The following GDAP1L1 variants were observed in gnomAD, a reference collection of about 807,000 sequenced individuals.
The protein encoded by GDAP1L1 is ganglioside induced differentiation associated protein 1 like 1.
Under a neutral mutation model 37.1 loss-of-function variants are expected in GDAP1L1, and 21 were observed. The ratio of observed to expected loss-of-function variants is 0.57; its 90% CI spans 0.40 to 0.81. GDAP1L1 has a LOEUF of 0.81. Ranked by LOEUF, GDAP1L1 falls within the 40% of genes least tolerant of loss-of-function variation. GDAP1L1 has a pLI of 0.00. For missense variants in GDAP1L1, 362 were observed against 491.6 expected, an observed-to-expected ratio of 0.74 and a Z score of 2.49; for synonymous variants, 193 against 209.1, an observed-to-expected ratio of 0.92 and a Z score of 0.67.
At chr20:44,252,714 T>C (rs1161061079) in intron 1 of GDAP1L1, among the ~76,000 whole-genome samples, 1 of 151,990 alleles carries the variant, frequency 6.6e-6, no homozygotes, top group African/African-American at 2.4e-5. Context: ...TCCCAGCTAC[T>C]TGGGAGGCTG....
chr20:44,251,756 C>A (rs898968956), intron 1 of GDAP1L1, among the ~76,000 whole-genome samples: 2 of 152,192 alleles, frequency 1.3e-5, no homozygotes, highest in Admixed American at 1.3e-4. Flanking sequence ...TTGCTTGAGT[C>A]AAGACCTAAG....
chr20:44,275,351 C>T (rs1005785303), intron 5 of GDAP1L1, among the ~76,000 whole-genome samples: 28 of 152,124 alleles, frequency 1.8e-4, no homozygotes, highest in Non-Finnish European at 4.4e-5. Context: ...TAACCACTTG[C>T]TAAATGAATG....
Position 44,258,472 on chromosome 20 carries a change from C to T in GDAP1L1, c.412C>T (p.Gln138Ter). The T allele has an allele frequency of 6.4e-7, 1 of 1,555,208 alleles. No homozygotes were observed. Among genetic ancestry groups the T allele is most frequent in the Non-Finnish European group, 8.7e-7 (1 of 1,149,608 alleles). ...CCTGATGCCCGAGGTGGGCAGCCTG[C>T]AGCACGCACGGGTGCTGCAGTACCG... ...VALMPEVGSL[Q>*]HARVLQYREL... is the part of the protein sequence containing the mutation. The change falls in exon 3 of 6, where the codon CAG becomes TAG. Residue 138 changes from glutamine (Q) to a stop codon, truncating the protein, a stop_gained. Coordinates refer to ENST00000342560, the MANE Select transcript of GDAP1L1 (RefSeq NM_024034.6). LOFTEE classifies it high-confidence loss of function.
intron 2 of GDAP1L1, among the ~76,000 whole-genome samples, chr20:44,257,956 G>A (rs2073593250): frequency 6.6e-6 from 1 of 152,134 alleles, no homozygotes; most frequent in African/African-American, 2.4e-5. Context: ...GGAGGGCCCA[G>A]GTACCCCAGA....
chr20:44,273,435 C>T (rs1052436064), intron 5 of GDAP1L1, among the ~76,000 whole-genome samples: 13 of 152,142 alleles, frequency 8.5e-5, no homozygotes, highest in Admixed American at 4.6e-4. Context: ...TGGGGACTTA[C>T]GTCACTTGAT....
chr20:44,248,776 A>C (rs1183703367), intron 1 of GDAP1L1, among the ~76,000 whole-genome samples: 2 of 152,208 alleles, frequency 1.3e-5, no homozygotes, highest in African/African-American at 4.8e-5. Context: ...AATGGGGTCC[A>C]AGATGCTGCC....
At chr20:44,248,949 T>C (rs1044031037) in intron 1 of GDAP1L1, among the ~76,000 whole-genome samples, 2 of 152,188 alleles carry the variant, frequency 1.3e-5, no homozygotes, top group Non-Finnish European at 2.9e-5. Context: ...AGGGCTATTA[T>C]GAGAGTGAAA....
intron 3 of GDAP1L1, among the ~76,000 whole-genome samples, chr20:44,259,168 T>C (rs1051910809): frequency 4.6e-5 from 7 of 152,206 alleles, no homozygotes; most frequent in Non-Finnish European, 8.8e-5. Flanking sequence ...CATGAGCATG[T>C]CCTGTCCTAA....
intron 5 of GDAP1L1, among the ~76,000 whole-genome samples, chr20:44,274,902 TGTTA>T (rs1161540162): frequency 6.6e-6 from 1 of 152,112 alleles, no homozygotes; most frequent in African/African-American, 2.4e-5. Flanking sequence ...TTTGTTTGTT[TGTTA>T]GTTTTTGAGA....
chr20:44,268,937 A>G (rs898351752), intron 5 of GDAP1L1, among the ~76,000 whole-genome samples: 4 of 152,180 alleles, frequency 2.6e-5, no homozygotes, highest in African/African-American at 7.2e-5. Context: ...CTGCTGTATA[A>G]CAAACCATTG....
Position 44,279,689 on chromosome 20 carries a change from G to A in GDAP1L1, c.*389G>A, listed in dbSNP as rs1195402781. On this transcript the variant is annotated 3_prime_UTR_variant, in exon 6 of 6. Transcript: ENST00000342560. ...GAGGTGCTGGGGACTCAGAGGGCCTGACCCCTCACCTCCCCTTCCCTCTTG... is the reference window on the plus strand; with the variant it reads ...GAGGTGCTGGGGACTCAGAGGGCCTAACCCCTCACCTCCCCTTCCCTCTTG... The A allele has an allele frequency of 2.1e-6, 1 of 476,572 alleles. No individual in the cohort carries two copies. The highest frequency in any genetic ancestry group is 2.0e-5 in the African/African-American group (1 of 50,402). 29.5% of individuals were successfully genotyped at this position (476,572 alleles called of 1,614,324 possible).
chr20:44,253,522 G>A (rs6031476), intron 1 of GDAP1L1, among the ~76,000 whole-genome samples: 1 of 152,214 alleles, frequency 6.6e-6, no homozygotes, highest in African/African-American at 2.4e-5. Context: ...ACATAAACAA[G>A]GGCCTGGGTG....
chr20:44,252,532 C>T (rs940998482), intron 1 of GDAP1L1, among the ~76,000 whole-genome samples: 3 of 152,130 alleles, frequency 2.0e-5, no homozygotes, highest in Non-Finnish European at 2.9e-5. Context: ...CCCAGCTACT[C>T]GGGAGGCTGA....
At chr20:44,257,420 T>G in intron 2 of GDAP1L1, 75 bp downstream of exon 2, 1 of 1,394,050 alleles carries the variant, frequency 7.2e-7, no homozygotes, top group Non-Finnish European at 9.8e-7. Flanking sequence ...TCAGACGGGG[T>G]CCCAGAACTT....
At chr20:44,266,698 C>T (rs116359899) in intron 5 of GDAP1L1, among the ~76,000 whole-genome samples, 337 of 152,146 alleles carry the variant, frequency 2.2e-3, no homozygotes, top group African/African-American at 7.8e-3. Context: ...ATGGCCCTTC[C>T]CCTGTGCTGC....
intron 1 of GDAP1L1, among the ~76,000 whole-genome samples, chr20:44,249,239 T>C (rs1314027626): frequency 2.0e-5 from 3 of 152,140 alleles, no homozygotes; most frequent in Non-Finnish European, 4.4e-5. Flanking sequence ...GGTTTCACCA[T>C]GTTTGCCAGA....
chr20:44,257,095 TG>T, intron 1 of GDAP1L1, 57 bp from the exon 2 acceptor site: 2 of 1,485,728 alleles, frequency 1.3e-6, no homozygotes, highest in African/African-American at 1.4e-5. Context: ...CCGCCCCACC[TG>T]GGCAGAGTGT....
chr20:44,275,202 G>A (rs961344109), intron 5 of GDAP1L1, among the ~76,000 whole-genome samples: 1 of 152,156 alleles, frequency 6.6e-6, no homozygotes, highest in Non-Finnish European at 1.5e-5. Context: ...CTCATCAGGT[G>A]CCTTGAAGAT....
In GDAP1L1 at chr20:44,279,708, C is replaced by T; in HGVS notation, c.*408C>T. On this transcript the variant is annotated 3_prime_UTR_variant, in exon 6 of 6. Transcript: ENST00000342560. ...GGGCCTGACCCCTCACCTCCCCTTC[C>T]CTCTTGCCCAGGGAACTCTTCCACA... 1 of 474,614 alleles carries T rather than the reference C, an allele frequency of 2.1e-6. No individual in the cohort carries two copies. The highest frequency in any genetic ancestry group is 4.4e-6 in the Non-Finnish European group (1 of 229,310). The allele number at this position is 474,614 out of a possible 1,614,324, so 29.4% of individuals were successfully genotyped here.
Sources: allele counts gnomAD v4.1 joint callset (sites outside exome capture counted in the v4.1 genomes callset), GRCh38; gene constraint gnomAD v4.1.1; transcripts MANE v1.5; gene names NCBI Gene and HGNC (gene_info 2026-07-23, HGNC 2026-07-21).